Variants in ZBTB5 observed in about 807,000 individuals in gnomAD.
The protein encoded by ZBTB5 is zinc finger and BTB domain containing 5, also known as zinc finger and BTB domain-containing protein 5.
Under a neutral mutation model 37.9 loss-of-function variants are expected in ZBTB5, and 15 were observed. The observed-to-expected ratio is 0.40, with a 90% CI of 0.26 to 0.61. The LOEUF (loss-of-function observed/expected upper bound fraction) is 0.61. Ranked by LOEUF, ZBTB5 falls within the 20% of genes least tolerant of loss-of-function variation. ZBTB5 has a pLI of 0.47. For synonymous variants in ZBTB5, 315 were observed against 312.4 expected, an observed-to-expected ratio of 1.01 and a Z score of -0.09; for missense variants, 708 against 856.8, an observed-to-expected ratio of 0.83 and a Z score of 2.17.
At chr9:37,457,120 G>C (rs1738751156) in intron 1 of ZBTB5, among the ~76,000 whole-genome samples, 1 of 152,218 alleles carries the variant, frequency 6.6e-6, no homozygotes, top group Non-Finnish European at 1.5e-5. Context: ...CCCACTAAGG[G>C]GGAAAAGAGG....
intron 1 of ZBTB5, among the ~76,000 whole-genome samples, chr9:37,461,848 T>A (rs972230468): frequency 5.9e-5 from 9 of 152,218 alleles, no homozygotes; most frequent in African/African-American, 2.2e-4. Context: ...TCCTTTAAAA[T>A]TTGTAAAATG....
intron 1 of ZBTB5, among the ~76,000 whole-genome samples, chr9:37,456,060 C>G (rs1290279456): frequency 4.6e-5 from 7 of 151,986 alleles, no homozygotes; most frequent in African/African-American, 1.5e-4. Context: ...AGGTGATCCT[C>G]CCACCTCAGC....
Position 37,465,398 on chromosome 9 carries a change from G to C in ZBTB5, c.-188C>G, listed in dbSNP as rs575090863. On this transcript the variant is annotated 5_prime_UTR_variant, in exon 1 of 2. Transcript: ENST00000307750. ...GTCCCCTAGCTCCTCCAGCCAGTTC[G>C]CCGCAGCACTCTGAGAACACGGCGG... 4 of 139,202 alleles carry C rather than the reference G, an allele frequency of 2.9e-5. No homozygotes were observed. The highest frequency in any genetic ancestry group is 4.5e-5 in the Non-Finnish European group (3 of 66,686). 8.6% of individuals were successfully genotyped at this position (139,202 alleles called of 1,614,324 possible).
chr9:37,457,664 G>A (rs1462894184), intron 1 of ZBTB5, among the ~76,000 whole-genome samples: 2 of 152,246 alleles, frequency 1.3e-5, no homozygotes, highest in African/African-American at 2.4e-5. Context: ...CAAAGTGGAA[G>A]GCACTAAGTG....
rs948558395 is a variant in ZBTB5 at position 37,440,204 on chromosome 9, A to C, written c.*314T>G. Reference sequence around the variant, plus strand: ...CACAGTTTTACAAAAATTGCTAAAAAATTTTTTTTGCACTTCAATTTTTAA... The same window carrying C: ...CACAGTTTTACAAAAATTGCTAAAACATTTTTTTTGCACTTCAATTTTTAA... On this transcript the variant is annotated 3_prime_UTR_variant, in exon 2 of 2. Coordinates refer to ENST00000307750, the MANE Select transcript of ZBTB5 (RefSeq NM_014872.3). 5 of 332,270 alleles carry C rather than the reference A, an allele frequency of 1.5e-5. No individual in the cohort carries two copies. In the South Asian group the frequency reaches 2.0e-4, roughly 13 times the overall value. 20.6% of individuals were successfully genotyped at this position (332,270 alleles called of 1,614,324 possible).
rs1308999511 is a variant in ZBTB5 at position 37,439,502 on chromosome 9, T to C, written c.*1016A>G. On this transcript the variant is annotated 3_prime_UTR_variant, in exon 2 of 2. Transcript: ENST00000307750. ...TAAAACCTGTGTGGGGCATTTTTGG[T>C]TAATCTGTCGTCGAAAACGGTAATC... 1 of 152,214 alleles carries C rather than the reference T, an allele frequency of 6.6e-6. No homozygotes were observed. Among genetic ancestry groups the C allele is most frequent in the Non-Finnish European group, 1.5e-5 (1 of 68,040 alleles). 9.4% of individuals were successfully genotyped at this position (152,214 alleles called of 1,614,324 possible). A position where few individuals can be genotyped will look rare whatever the true frequency, so the allele number is the denominator to read the frequency against.
chr9:37,459,531 T>C (rs1040189829), intron 1 of ZBTB5, among the ~76,000 whole-genome samples: 20 of 151,794 alleles, frequency 1.3e-4, no homozygotes, highest in Admixed American at 5.3e-4. Context: ...TTTAAACATG[T>C]CTTTTACCCC....
Position 37,465,372 on chromosome 9 carries a change from A to G in ZBTB5, c.-162T>C, listed in dbSNP as rs1481264835. ...CCCGCCCCCCTCCCACCCCGCCTCT[A>G]GTCCCCTAGCTCCTCCAGCCAGTTC... is the stretch of plus-strand genomic sequence containing the variant. On this transcript the variant is annotated 5_prime_UTR_variant, in exon 1 of 2. Coordinates refer to ENST00000307750, the MANE Select transcript of ZBTB5 (RefSeq NM_014872.3). The G allele has an allele frequency of 2.1e-5, 2 of 93,602 alleles. No individual in the cohort carries two copies. Among genetic ancestry groups the G allele is most frequent in the Admixed American group, 1.4e-4 (1 of 7,138 alleles). 5.8% of individuals were successfully genotyped at this position (93,602 alleles called of 1,614,324 possible). A position where few individuals can be genotyped will look rare whatever the true frequency, so the allele number is the denominator to read the frequency against.
In ZBTB5 at chr9:37,442,555, C is replaced by T. The variant is rs766411153; in HGVS notation, c.-4G>A. On this transcript the variant is annotated splice_region_variant and 5_prime_UTR_variant, in exon 2 of 2. Transcript: ENST00000307750. ...CAAAGTGACCAGGAAAATCCATGAT[C>T]CTACAGAAAAACAAAGAAAGAAAAT... 3.8e-6 allele frequency: 6 copies of T among 1,584,650 alleles called. No individual in the cohort carries two copies. The highest frequency in any genetic ancestry group is 3.4e-5 in the South Asian group (3 of 87,972).
chr9:37,451,572 A>AAAAAGAC (rs1478526744), intron 1 of ZBTB5, among the ~76,000 whole-genome samples: 2 of 151,918 alleles, frequency 1.3e-5, no homozygotes, highest in Non-Finnish European at 2.9e-5. Context: ...AAAAAAAAAA[A>AAAAAGAC]AAAAAGACAG....
Position 37,441,390 on chromosome 9 carries a change from T to C in ZBTB5, c.1162A>G (p.Arg388Gly). ...TCCAAAATATGGATATCACCTACCCTGTCTGTGCTAGACTGGGGATCTGAA... is the reference window on the plus strand; with the variant it reads ...TCCAAAATATGGATATCACCTACCCCGTCTGTGCTAGACTGGGGATCTGAA... ...SFSDPQSSTD[R>G]VGDIHILEVT... Residue 388 changes from arginine (R) to glycine (G), a missense_variant, in exon 2 of 2, where the codon AGG (arginine) becomes GGG (glycine). By Grantham distance (125) the Arg-to-Gly change is moderately radical (BLOSUM62 -2). Transcript: ENST00000307750. The C allele has an allele frequency of 6.2e-7, 1 of 1,614,122 alleles. No individual in the cohort carries two copies. Among genetic ancestry groups the C allele is most frequent in the Non-Finnish European group, 8.5e-7 (1 of 1,180,028 alleles).
chr9:37,453,125 T>A (rs1588780795), intron 1 of ZBTB5, among the ~76,000 whole-genome samples: 1 of 152,220 alleles, frequency 6.6e-6, no homozygotes, highest in African/African-American at 2.4e-5. Flanking sequence ...CCATAACCAT[T>A]AGGTGAACAA....
At position 37,440,974 on chromosome 9, in the gene ZBTB5, C is replaced by A. The variant is rs1823858414; in HGVS notation, c.1578G>T (p.Arg526Ser). The change falls in exon 2 of 2, where the codon AGG (arginine) becomes AGT (serine). Residue 526 changes from arginine (R) to serine (S), a missense_variant. Around this residue, in one of 3 missense-constraint regions of ZBTB5, gnomAD observed 639 missense variants for 690.5 expected, o/e 0.93. Coordinates refer to ENST00000307750, the MANE Select transcript of ZBTB5 (RefSeq NM_014872.3). Reference sequence around the variant, plus strand: ...AGTAAGGAAAGTTACTGGCTCCTCCCCTTGGGGAACCTATCATTACCCTGG... The same window carrying A: ...AGTAAGGAAAGTTACTGGCTCCTCCACTTGGGGAACCTATCATTACCCTGG... ...SFSRVMIGSP[R>S]GGASNFPYYR... 3 of 1,614,190 alleles carry A rather than the reference C, an allele frequency of 1.9e-6. No homozygotes were observed. Among genetic ancestry groups the A allele is most frequent in the East Asian group, 2.2e-5 (1 of 44,886 alleles).
intron 1 of ZBTB5, among the ~76,000 whole-genome samples, chr9:37,452,757 T>C (rs1376936386): frequency 6.6e-6 from 1 of 152,196 alleles, no homozygotes; most frequent in East Asian, 1.9e-4. Context: ...TGGTCTTTCA[T>C]AGCCCTGCAG....
chr9:37,444,496 G>A (rs1034804781), intron 1 of ZBTB5, among the ~76,000 whole-genome samples: 2 of 152,090 alleles, frequency 1.3e-5, no homozygotes, highest in South Asian at 2.1e-4. Context: ...CACTGCGCCC[G>A]GCCAAGAAAT....
intron 1 of ZBTB5, among the ~76,000 whole-genome samples, chr9:37,450,319 A>G (rs1237900768): frequency 6.6e-6 from 1 of 152,208 alleles, no homozygotes; most frequent in East Asian, 1.9e-4. Context: ...CTTCAAAAAA[A>G]AAGCAAGTAA....
intron 1 of ZBTB5, among the ~76,000 whole-genome samples, chr9:37,463,838 T>C (rs1824338708): frequency 6.6e-6 from 1 of 151,998 alleles, no homozygotes; most frequent in Non-Finnish European, 1.5e-5. Flanking sequence ...AGTAAACGAG[T>C]TGACTTCAGG....
chr9:37,464,715 A>G (rs533679948), intron 1 of ZBTB5, among the ~76,000 whole-genome samples: 1 of 152,338 alleles, frequency 6.6e-6, no homozygotes, highest in East Asian at 1.9e-4. Flanking sequence ...GTCCTCTCAT[A>G]ACAAGTTGGG....
Position 37,441,445 on chromosome 9 carries a change from G to A in ZBTB5, c.1107C>T (p.Asp369=), listed in dbSNP as rs1161783352. Residue 369 remains aspartate, a synonymous_variant, in exon 2 of 2, where the codon GAC becomes GAT. Coordinates refer to ENST00000307750, the MANE Select transcript of ZBTB5 (RefSeq NM_014872.3). ...EGVVVSAEKI[D]LSPESSDRSF... Reference sequence around the variant, plus strand: ...TCCGATCACTGCTTTCAGGGCTGAGGTCTATCTTCTCGGCACTGACCACAA... The same window carrying A: ...TCCGATCACTGCTTTCAGGGCTGAGATCTATCTTCTCGGCACTGACCACAA... The A allele has an allele frequency of 6.2e-7, 1 of 1,613,618 alleles. No individual in the cohort carries two copies. The highest frequency in any genetic ancestry group is 8.5e-7 in the Non-Finnish European group (1 of 1,179,942).
Sources: allele counts gnomAD v4.1 joint callset (sites outside exome capture counted in the v4.1 genomes callset), GRCh38; gene constraint gnomAD v4.1.1; regional missense constraint gnomAD v4.1.1; transcripts MANE v1.5; gene names NCBI Gene and HGNC (gene_info 2026-07-23, HGNC 2026-07-21).